The following URB1 variants were observed in gnomAD, a reference collection of about 807,000 sequenced individuals.
URB1 encodes nucleolar pre-ribosomal-associated protein 1.
A neutral mutation model predicts 242.3 loss-of-function variants in URB1; 197 were observed. The ratio of observed to expected loss-of-function variants is 0.81; its 90% confidence interval spans 0.72 to 0.91. URB1 has a LOEUF of 0.91. URB1 is among the 40% of genes least tolerant of loss of function. URB1 has a pLI of 0.00. For synonymous variants in URB1, 1,153 were observed against 1,201.8 expected (o/e 0.96, Z 0.84); for missense variants, 2,721 against 2,860.5 (o/e 0.95, Z 1.11).
chr21:32,329,575 C>A (rs1191720199), intron 30 of URB1, among the ~76,000 whole-genome samples: 1 of 152,200 alleles, frequency 6.6e-6, no homozygotes, highest in Non-Finnish European at 1.5e-5. Context: ...TTTGTCACTG[C>A]CATTGCTAAC....
intron 24 of URB1, among the ~76,000 whole-genome samples, chr21:32,342,048 T>C (rs201446035): frequency 1.9e-4 from 1 of 5,310 alleles, no homozygotes; most frequent in Non-Finnish European, 3.3e-4. Flanking sequence ...TTTTTTTTTT[T>C]AACTTAAAAA....
intron 19 of URB1, 130 bp from the exon 20 acceptor site, chr21:32,351,052 A>G (rs1346667258): frequency 1.1e-6 from 1 of 943,522 alleles, no homozygotes; most frequent in Admixed American, 2.4e-5. Flanking sequence ...AGACTAACGA[A>G]TACGGGACCG....
In URB1 at chr21:32,383,648, T is replaced by C. The variant is rs568358840; in HGVS notation, c.435-94A>G. On this transcript the variant is annotated intron_variant, in intron 3 of 38. Transcript: ENST00000382751. Reference sequence around the variant, plus strand: ...AGCCAGCTGCAAGCTGCTTGTGTTATTTGCTATCCCCAAACCAGAAAAAAA... The same window carrying C: ...AGCCAGCTGCAAGCTGCTTGTGTTACTTGCTATCCCCAAACCAGAAAAAAA... 9 of 1,347,272 alleles carry C rather than the reference T, an allele frequency of 6.7e-6. No homozygotes were observed. The African/African-American group carries it at 1.2e-4, about 18-fold the overall frequency. 83.5% of individuals were successfully genotyped at this position (1,347,272 alleles called of 1,614,324 possible).
intron 18 of URB1, 57 bp downstream of exon 18, chr21:32,353,876 C>A: frequency 6.6e-7 from 1 of 1,526,572 alleles, no homozygotes; most frequent in Non-Finnish European, 8.8e-7. Flanking sequence ...CCACCTCCCA[C>A]CCTGCACAGA....
intron 5 of URB1, chr21:32,377,208 G>A (rs980129857): frequency 5.8e-6 from 3 of 518,884 alleles, no homozygotes; most frequent in Non-Finnish European, 3.8e-6. Context: ...CCACTTCAGT[G>A]CCAGCAGCCT....
intron 28 of URB1, chr21:32,335,742 C>T (rs1363860945): frequency 2.6e-5 from 4 of 152,734 alleles, no homozygotes; most frequent in South Asian, 2.1e-4. Context: ...AGAGCCGCCA[C>T]GTAGCGTCCA....
In URB1 at chr21:32,311,765, C is replaced by T; in HGVS notation, c.*3153G>A. Reference sequence around the variant, plus strand: ...TCTGCATCCAGAAGTGCCTGCCGTGCCACAGGGAACCCCTGGCAACCTCAC... The same window carrying T: ...TCTGCATCCAGAAGTGCCTGCCGTGTCACAGGGAACCCCTGGCAACCTCAC... On this transcript the variant is annotated 3_prime_UTR_variant, in exon 39 of 39. Transcript: ENST00000382751. 1 of 1,614,104 alleles carries T rather than the reference C, an allele frequency of 6.2e-7. No individual in the cohort carries two copies. Among genetic ancestry groups the T allele is most frequent in the Non-Finnish European group, 8.5e-7 (1 of 1,180,004 alleles).
At chr21:32,351,160 C>T (rs1412178476) in intron 19 of URB1, among the ~76,000 whole-genome samples, 1 of 152,214 alleles carries the variant, frequency 6.6e-6, no homozygotes, top group Non-Finnish European at 1.5e-5. Context: ...CAAATTCATG[C>T]TGCATCTACA....
intron 15 of URB1, among the ~76,000 whole-genome samples, chr21:32,356,187 C>T (rs548534945): frequency 2.0e-5 from 3 of 152,228 alleles, no homozygotes; most frequent in South Asian, 2.1e-4. Flanking sequence ...TTGAGATCAG[C>T]GGAGGCAACA....
chr21:32,333,259 C>A (rs2032916647), intron 30 of URB1, 58 bp downstream of exon 30: 1 of 1,388,356 alleles, frequency 7.2e-7, no homozygotes, highest in Non-Finnish European at 1.0e-6. Flanking sequence ...CCATAATCAA[C>A]CTGACCTCTG....
At chr21:32,330,300 A>G (rs778297659) in intron 30 of URB1, among the ~76,000 whole-genome samples, 131 of 140,316 alleles carry the variant, frequency 9.3e-4, no homozygotes, top group Non-Finnish European at 1.6e-3. Context: ...TAAATTTTTG[A>G]CTATTGCAAT....
chr21:32,385,415 A>G lies in URB1; in HGVS notation c.282+130T>C, dbSNP rs1324278040. ...AGGCAAAAAATGAATACATTCCTACAGCACAGGGACAAAGCATCATTTTCT... is the reference window on the plus strand; with the variant it reads ...AGGCAAAAAATGAATACATTCCTACGGCACAGGGACAAAGCATCATTTTCT... On this transcript the variant is annotated intron_variant, in intron 2 of 38. Coordinates refer to ENST00000382751, the MANE Select transcript of URB1 (RefSeq NM_014825.3). The G allele has an allele frequency of 2.2e-5, 29 of 1,329,818 alleles. 1 individual carries two copies. In the Admixed American group the frequency reaches 7.5e-4, roughly 34 times the overall value. 82.4% of individuals were successfully genotyped at this position (1,329,818 alleles called of 1,614,324 possible). A position where few individuals can be genotyped will look rare whatever the true frequency, so the allele number is the denominator to read the frequency against.
intron 32 of URB1, among the ~76,000 whole-genome samples, chr21:32,323,309 G>A (rs2032789864): frequency 6.6e-6 from 1 of 152,232 alleles, no homozygotes; most frequent in Admixed American, 6.5e-5. Flanking sequence ...AACTAACTGT[G>A]GGGCCTTGAC....
rs1054096994 is a variant in URB1 at position 32,357,655 on chromosome 21, T to C, written c.1871A>G (p.Glu624Gly). ...ASKFLWLKAQ[E>G]GPDAEIIGGE... is the part of the protein sequence containing the mutation. ...TCCAATAATTTCTGCATCTGGGCCTTCCTAGAGTTTAAACAATATTACGTA... is the reference window on the plus strand; with the variant it reads ...TCCAATAATTTCTGCATCTGGGCCTCCCTAGAGTTTAAACAATATTACGTA... The change falls in exon 15 of 39, where the codon GAA (glutamate) becomes GGA (glycine). Residue 624 changes from glutamate to glycine, a missense_variant and splice_region_variant. Glu to Gly is a moderately conservative substitution (Grantham distance 98). Coordinates refer to ENST00000382751, the MANE Select transcript of URB1 (RefSeq NM_014825.3). 18 of 1,469,414 alleles carry C rather than the reference T, an allele frequency of 1.2e-5. No individual in the cohort carries two copies. Among genetic ancestry groups the C allele is most frequent in the African/African-American group, 1.5e-5 (1 of 68,892 alleles). The allele number at this position is 1,469,414 out of a possible 1,614,324, so 91.0% of individuals were successfully genotyped here.
intron 1 of URB1, among the ~76,000 whole-genome samples, chr21:32,392,158 T>A (rs147366085): frequency 6.6e-6 from 1 of 152,228 alleles, no homozygotes; most frequent in Admixed American, 6.5e-5. Flanking sequence ...ACACGTTCAA[T>A]TGCGTTTTTC....
In URB1 at chr21:32,347,332, GC is replaced by G. The variant is rs2033102065; in HGVS notation, c.3491del (p.Ser1164ThrfsTer18). On this transcript the variant is annotated frameshift_variant, in exon 22 of 39. Transcript: ENST00000382751. LOFTEE classifies it high-confidence loss of function. ...CACCACTCTGCAGCTGATCCTGGGG[GC>G]TGCAGGTCAGCAGCTGCACCAGGGT... ...GKTLVQLLTC[S>X]PQDQLQSGEL... 1 of 1,551,312 alleles carries G rather than the reference GC, an allele frequency of 6.4e-7. No homozygotes were observed. Among genetic ancestry groups the G allele is most frequent in the East Asian group, 2.4e-5 (1 of 40,920 alleles).
chr21:32,351,268 C>A (rs1309453645), intron 19 of URB1, among the ~76,000 whole-genome samples: 1 of 152,162 alleles, frequency 6.6e-6, no homozygotes, highest in East Asian at 1.9e-4. Flanking sequence ...AGGGGGAAAT[C>A]AGCCCACAGA....
chr21:32,312,105 C>T lies in URB1; in HGVS notation c.*2813G>A, dbSNP rs886065757. 3.8e-6 allele frequency: 6 copies of T among 1,575,344 alleles called. No individual in the cohort carries two copies. In the South Asian group the frequency reaches 5.7e-5, roughly 15 times the overall value. Reference sequence around the variant, plus strand: ...CCATTTGCATGTAGCAGAAAGGGCACCTAGGTCAAGTGCAACTAGAGCAGG... The same window carrying T: ...CCATTTGCATGTAGCAGAAAGGGCATCTAGGTCAAGTGCAACTAGAGCAGG... On this transcript the variant is annotated 3_prime_UTR_variant, in exon 39 of 39. Coordinates refer to ENST00000382751, the MANE Select transcript of URB1 (RefSeq NM_014825.3).
chr21:32,352,749 G>A lies in URB1; in HGVS notation c.2574C>T (p.Tyr858=), dbSNP rs769690893. The change falls in exon 19 of 39, where the codon TAC becomes TAT. Residue 858 remains tyrosine (Y), a synonymous_variant. Transcript: ENST00000382751. ...CTTGCTCCGGGATCCAGAGGCTGTA[G>A]TATCTGTTAAACCGTGAGAGCTGCT... The part of the protein sequence containing the change: ...CCQQLSRFNR[Y]YSLWIPEQAR... 1.3e-6 allele frequency: 2 copies of A among 1,551,660 alleles called. No homozygotes were observed. Among genetic ancestry groups the A allele is most frequent in the South Asian group, 1.2e-5 (1 of 84,058 alleles).
Sources: gnomAD v4.1 joint callset for allele counts (sites outside exome capture counted in the v4.1 genomes callset) on GRCh38, gnomAD v4.1.1 for gene constraint, MANE v1.5 for transcripts, NCBI Gene and HGNC (gene_info 2026-07-23, HGNC 2026-07-21) for gene names.